The following IL5RA variants were observed in gnomAD, a reference collection of about 807,000 sequenced individuals.
IL5RA encodes interleukin-5 receptor subunit alpha.
IL5RA carries 49 observed loss-of-function variants against 50.0 expected under a neutral mutation model. The ratio of observed to expected loss-of-function variants is 0.98; its 90% CI spans 0.78 to 1.24. IL5RA has a LOEUF of 1.24. IL5RA is among the 50% of genes most tolerant of loss of function. IL5RA has a pLI of 0.00. For synonymous variants in IL5RA, 202 were observed against 174.0 expected (o/e 1.16, Z -1.26); for missense variants, 600 against 500.4 (o/e 1.20, Z -1.90).
chr3:3,095,423 T>C lies in IL5RA; in HGVS notation c.731A>G (p.Asn244Ser), dbSNP rs764532557. The C allele has an allele frequency of 6.2e-7, 1 of 1,611,352 alleles. No homozygotes were observed. The highest frequency in any genetic ancestry group is 1.7e-5 in the Admixed American group (1 of 59,538). The change falls in exon 8 of 12, where the codon AAT (asparagine) becomes AGT (serine). Residue 244 changes from asparagine (N) to serine (S), a missense_variant. Coordinates refer to ENST00000446632, the MANE Select transcript of IL5RA (RefSeq NM_175726.4). ...AGTTCCTTCAATCTCTGCTGTGACATTCAGTGGAGGATTTATTTGATCTAA... is the reference window on the plus strand; with the variant it reads ...AGTTCCTTCAATCTCTGCTGTGACACTCAGTGGAGGATTTATTTGATCTAA... ...HAIDQINPPL[N>S]VTAEIEGTRL... is the part of the protein sequence containing the mutation.
At chr3:3,086,467 T>G (rs1273115814) in intron 9 of IL5RA, among the ~76,000 whole-genome samples, 1 of 152,032 alleles carries the variant, frequency 6.6e-6, no homozygotes, top group Non-Finnish European at 1.5e-5. Context: ...AATTGGGAAG[T>G]TAGCTCTTAA....
At chr3:3,099,055 T>G (rs1703503814) in intron 5 of IL5RA, among the ~76,000 whole-genome samples, 1 of 152,218 alleles carries the variant, frequency 6.6e-6, no homozygotes, top group Admixed American at 6.5e-5. Flanking sequence ...ATTGTGTGAT[T>G]CATTAGGTTG....
chr3:3,076,633 G>T lies in IL5RA; in HGVS notation c.995-6C>A. ...GGGCTTGTGTTCATCATTTCCTGGT[G>T]GAAAACAAAAAAGAAACAAAAAAAT... On this transcript the variant is annotated splice_polypyrimidine_tract_variant and splice_region_variant and intron_variant, in intron 9 of 11. Transcript: ENST00000446632. The T allele has an allele frequency of 6.3e-7, 1 of 1,580,708 alleles. No individual in the cohort carries two copies. The highest frequency in any genetic ancestry group is 8.6e-7 in the Non-Finnish European group (1 of 1,157,446).
intron 9 of IL5RA, chr3:3,090,386 G>A: frequency 1.5e-6 from 1 of 680,050 alleles, no homozygotes. Context: ...TATAGACCTA[G>A]TGCAACAGTT....
intron 9 of IL5RA, among the ~76,000 whole-genome samples, chr3:3,078,776 G>A (rs145486052): frequency 9.2e-4 from 139 of 151,876 alleles, no homozygotes; most frequent in African/African-American, 3.2e-3. Flanking sequence ...GGAGGTTGTG[G>A]TGAGCTGAGA....
intron 2 of IL5RA, among the ~76,000 whole-genome samples, chr3:3,106,545 C>T (rs1295263537): frequency 6.6e-6 from 1 of 151,646 alleles, no homozygotes; most frequent in Non-Finnish European, 1.5e-5. Context: ...GATTTCACAC[C>T]ATGTAGAAAT....
At chr3:3,102,916 G>C in intron 3 of IL5RA, 96 bp from the exon 4 acceptor site, 1 of 951,148 alleles carries the variant, frequency 1.1e-6, no homozygotes, top group East Asian at 2.8e-5. Context: ...TGCAGATGCT[G>C]TCCTGGACCT....
rs141948767 is a variant in IL5RA, at chr3:3,098,226, T to A, written c.432A>T (p.Ser144=). Residue 144 remains serine, a synonymous_variant, in exon 6 of 12, where the codon TCA becomes TCT. Coordinates refer to ENST00000446632, the MANE Select transcript of IL5RA (RefSeq NM_175726.4). Reference sequence around the variant, plus strand: ...GGGAAACTTGGTATGACCTTAAACGTGAATAATTGTCTTCTGTAGTGTTTG... The same window carrying A: ...GGGAAACTTGGTATGACCTTAAACGAGAATAATTGTCTTCTGTAGTGTTTG... ...CTTNTTEDNY[S]RLRSYQVSLH... 2 of 1,613,922 alleles carry A rather than the reference T, an allele frequency of 1.2e-6. No homozygotes were observed. Among genetic ancestry groups the A allele is most frequent in the Non-Finnish European group, 1.7e-6 (2 of 1,179,910 alleles).
chr3:3,093,141 AT>A (rs1703204493), intron 8 of IL5RA, among the ~76,000 whole-genome samples: 1 of 152,136 alleles, frequency 6.6e-6, no homozygotes, highest in Non-Finnish European at 1.5e-5. Context: ...CCACTTCTTT[AT>A]TTTTTAGCAA....
At chr3:3,082,618 A>T (rs969280617) in intron 9 of IL5RA, among the ~76,000 whole-genome samples, 2 of 152,232 alleles carry the variant, frequency 1.3e-5, no homozygotes, top group African/African-American at 2.4e-5. Flanking sequence ...CTATTCTTCT[A>T]TGACCCTAGA....
At position 3,067,328 on chromosome 3, in the gene IL5RA, C is replaced by G. The variant is rs146535519; in HGVS notation, c.*2897G>C. ...TGTCATTATTGTAGGCCTTGAGGAT[C>G]TCTGCCAAATACTGTTCAGTCTAAC... On this transcript the variant is annotated 3_prime_UTR_variant, in exon 12 of 12. Coordinates refer to ENST00000446632, the MANE Select transcript of IL5RA (RefSeq NM_175726.4). The G allele has an allele frequency of 4.1e-4, 63 of 152,360 alleles. No homozygotes were observed. Among genetic ancestry groups the G allele is most frequent in the African/African-American group, 1.5e-3 (62 of 41,562 alleles). 9.4% of individuals were successfully genotyped at this position (152,360 alleles called of 1,614,324 possible). A position where few individuals can be genotyped will look rare whatever the true frequency, so the allele number is the denominator to read the frequency against.
chr3:3,085,296 C>A (rs1702809705), intron 9 of IL5RA, among the ~76,000 whole-genome samples: 1 of 151,984 alleles, frequency 6.6e-6, no homozygotes, highest in South Asian at 2.1e-4. Context: ...ACTGTGTAGA[C>A]CCAGTGGCTC....
In IL5RA at chr3:3,070,180, G is replaced by T; in HGVS notation, c.*45C>A. ...CAGCATCCCTGTTCTTTTCACTGAGGCACTGAGGCATGTGTGAGTTCATCA... is the reference window on the plus strand; with the variant it reads ...CAGCATCCCTGTTCTTTTCACTGAGTCACTGAGGCATGTGTGAGTTCATCA... On this transcript the variant is annotated 3_prime_UTR_variant, in exon 12 of 12. Coordinates refer to ENST00000446632, the MANE Select transcript of IL5RA (RefSeq NM_175726.4). 8.2e-7 allele frequency: 1 copy of T among 1,218,670 alleles called. No individual in the cohort carries two copies. The highest frequency in any genetic ancestry group is 1.2e-6 in the Non-Finnish European group (1 of 827,972). The allele number at this position is 1,218,670 out of a possible 1,614,324, so 75.5% of individuals were successfully genotyped here. A position where few individuals can be genotyped will look rare whatever the true frequency, so the allele number is the denominator to read the frequency against.
At chr3:3,084,592 G>C (rs757551416) in intron 9 of IL5RA, among the ~76,000 whole-genome samples, 1 of 152,220 alleles carries the variant, frequency 6.6e-6, no homozygotes, top group Admixed American at 6.5e-5. Flanking sequence ...AGAGCTTCCT[G>C]CTTGCACAGC....
intron 9 of IL5RA, among the ~76,000 whole-genome samples, chr3:3,085,239 C>A (rs373342439): frequency 1.3e-5 from 2 of 152,210 alleles, no homozygotes; most frequent in South Asian, 4.1e-4. Flanking sequence ...GTGGGTCTTT[C>A]ATGTTGTTAT....
intron 5 of IL5RA, among the ~76,000 whole-genome samples, chr3:3,099,721 G>A (rs1703551140): frequency 6.6e-6 from 1 of 151,098 alleles, no homozygotes. Flanking sequence ...CCAGGCTAGA[G>A]TGCAGTGGCA....
chr3:3,090,825 G>A (rs1011471055), intron 9 of IL5RA, among the ~76,000 whole-genome samples: 5 of 151,604 alleles, frequency 3.3e-5, no homozygotes, highest in Admixed American at 6.6e-5. Flanking sequence ...TGCCCATCTC[G>A]GCCTCCCAAA....
chr3:3,103,844 G>C (rs1436341450), intron 3 of IL5RA, among the ~76,000 whole-genome samples: 1 of 151,980 alleles, frequency 6.6e-6, no homozygotes, highest in African/African-American at 2.4e-5. Context: ...ACCACAATTA[G>C]GACGGTATTG....
chr3:3,076,321 TTG>T (rs3217673), intron 10 of IL5RA, among the ~76,000 whole-genome samples: 78,334 of 151,844 alleles, frequency 0.52, 20,680 homozygotes, highest in African/African-American at 0.6. Context: ...GAGGGCTGCA[TTG>T]TGTGCTCTGT....
Sources: allele counts gnomAD v4.1 joint callset (sites outside exome capture counted in the v4.1 genomes callset), GRCh38; gene constraint gnomAD v4.1.1; transcripts MANE v1.5; gene names NCBI Gene and HGNC (gene_info 2026-07-23, HGNC 2026-07-21).